The following MYO1H variants were observed in gnomAD, a reference collection of about 807,000 sequenced individuals.
The protein encoded by MYO1H is unconventional myosin-Ih.
MYO1H carries 118 observed loss-of-function variants against 149.3 expected under a neutral mutation model. The ratio of observed to expected loss-of-function variants is 0.79; its 90% CI spans 0.68 to 0.92. The LOEUF is 0.92. Among genes scored for constraint, MYO1H ranks in the 40% least tolerant of loss-of-function variants. The pLI, the probability that MYO1H is intolerant of heterozygous loss-of-function variation, is 0.00. For synonymous variants in MYO1H, 447 were observed against 465.2 expected, an observed-to-expected ratio of 0.96 and a Z score of 0.50; for missense variants, 1,212 against 1,280.7, an observed-to-expected ratio of 0.95 and a Z score of 0.82.
At position 109,362,402 on chromosome 12, in the gene MYO1H, AG is replaced by A. The variant is rs1236431412; in HGVS notation, c.12+14434del. 8.5e-5 allele frequency among the ~76,000 whole-genome samples: 13 copies of A among 152,332 alleles called. No individual in the cohort carries two copies. The South Asian group carries it at 1.2e-3, about 15-fold the overall frequency. On this transcript the variant is annotated intron_variant, in intron 1 of 31. Transcript: ENST00000310903. ...TGTCATCCACTATGTTTTGTTTTGT[AG>A]GGGAGAAAAGGTACTATCTTTTTTA...
At chr12:109,380,183 C>T (rs1869174437) in intron 1 of MYO1H, among the ~76,000 whole-genome samples, 1 of 152,134 alleles carries the variant, frequency 6.6e-6, no homozygotes, top group Non-Finnish European at 1.5e-5. Context: ...ATGACAGCCA[C>T]CGCACCCAGG....
At chr12:109,340,673 A>G in the MYO1H span, among the ~76,000 whole-genome samples, 1 of 152,152 alleles carries the variant, frequency 6.6e-6, no homozygotes, top group Non-Finnish European at 1.5e-5. Flanking sequence ...GTAGTAATGG[A>G]TTAGTCTTTT....
intron 31 of MYO1H, chr12:109,446,580 A>G (rs1391956745): frequency 2.7e-6 from 1 of 369,086 alleles, no homozygotes; most frequent in African/African-American, 2.2e-5. Context: ...TCTGGCCAAC[A>G]TGGTGAACTC....
At chr12:109,424,315 C>T (rs1427531750) in intron 16 of MYO1H, among the ~76,000 whole-genome samples, 1 of 152,080 alleles carries the variant, frequency 6.6e-6, no homozygotes, top group Admixed American at 6.6e-5. Flanking sequence ...TGCACACCAC[C>T]ACACCTGGCT....
At chr12:109,447,011 G>T (rs1234647537) in intron 31 of MYO1H, 148 bp from the exon 32 acceptor site, 5 of 764,382 alleles carry the variant, frequency 6.5e-6, no homozygotes, top group Non-Finnish European at 1.1e-5. Flanking sequence ...CAGTTTCTAA[G>T]TCTGGCTTGT....
chr12:109,442,792 GC>G (rs1839614445), intron 27 of MYO1H, among the ~76,000 whole-genome samples: 2 of 93,522 alleles, frequency 2.1e-5, no homozygotes, highest in Non-Finnish European at 4.1e-5. Flanking sequence ...GCCAGTGTCT[GC>G]TCTTTTTTTT....
At chr12:109,335,574 CAAACA>C in the MYO1H span, among the ~76,000 whole-genome samples, 14 of 128,780 alleles carry the variant, frequency 1.1e-4, no homozygotes, top group African/African-American at 3.2e-4. Flanking sequence ...AAAAAACAAA[CAAACA>C]AAAAAAAAAC....
intron 1 of MYO1H, among the ~76,000 whole-genome samples, chr12:109,382,836 A>G (rs1213840742): frequency 6.7e-6 from 1 of 149,372 alleles, no homozygotes; most frequent in African/African-American, 2.4e-5. Flanking sequence ...AAATATCTTT[A>G]TATATATATA....
chr12:109,446,987 A>C lies in MYO1H; in HGVS notation c.3094-172A>C, dbSNP rs538764912. The C allele has an allele frequency of 7.8e-5, 52 of 668,948 alleles. 2 individuals are homozygous for C. In the South Asian group the frequency reaches 7.9e-4, roughly 10 times the overall value. 41.4% of individuals were successfully genotyped at this position (668,948 alleles called of 1,614,324 possible). ...ACTGGTTCTGGCTGAAGAGGCTGAC[A>C]GGCCTCGATGAGCCAGTTTCTAAGT... On this transcript the variant is annotated intron_variant, in intron 31 of 31. Transcript: ENST00000310903.
chr12:109,381,152 G>C (rs1869197481), intron 1 of MYO1H, among the ~76,000 whole-genome samples: 1 of 152,130 alleles, frequency 6.6e-6, no homozygotes, highest in African/African-American at 2.4e-5. Flanking sequence ...GAGTTCATTG[G>C]AGAAAAGACA....
chr12:109,327,413 G>A, the MYO1H span, among the ~76,000 whole-genome samples: 8 of 151,728 alleles, frequency 5.3e-5, no homozygotes, highest in South Asian at 2.1e-4. Flanking sequence ...GATTACAGGC[G>A]TGAGCCACCG....
At chr12:109,427,909 A>AATATATATATATATATATATAT in intron 19 of MYO1H, among the ~76,000 whole-genome samples, 14 of 16,392 alleles carry the variant, frequency 8.5e-4, no homozygotes, top group East Asian at 4.2e-3. Flanking sequence ...AAAAAAAAAA[A>AATATATATATATATATATATAT]ATATATATAT....
intron 26 of MYO1H, 78 bp downstream of exon 26, chr12:109,441,786 C>A: frequency 1.0e-6 from 1 of 996,710 alleles, no homozygotes; most frequent in Non-Finnish European, 1.5e-6. Flanking sequence ...GTGGCTCATG[C>A]CCATAATCTC....
rs1033371089 is a variant in MYO1H, at chr12:109,359,911, A to G, written c.12+11939A>G. On this transcript the variant is annotated intron_variant, in intron 1 of 31. Transcript: ENST00000310903. ...TTGTGGAGTTTAAAGGAATGTTTGA[A>G]CTCGGGAGATTTTCTCACTTACTTT... 2.6e-5 allele frequency among the ~76,000 whole-genome samples: 4 copies of G among 152,066 alleles called. No homozygotes were observed. In the East Asian group the frequency reaches 7.7e-4, roughly 29 times the overall value.
rs539388712 is a variant in MYO1H, at chr12:109,445,413, T to C, written c.2994-100T>C. The C allele has an allele frequency of 4.7e-4, 422 of 888,626 alleles. 2 individuals are homozygous for C. Among genetic ancestry groups the C allele is most frequent in the Middle Eastern group, 4.2e-3 (16 of 3,766 alleles). 55.0% of individuals were successfully genotyped at this position (888,626 alleles called of 1,614,324 possible). ...CTGTAATAAAACAGGAATTTGATCT[T>C]GAAACTAGTAGAATTTAATAAGTGA... On this transcript the variant is annotated intron_variant, in intron 30 of 31. Coordinates refer to ENST00000310903, the Ensembl canonical transcript of MYO1H.
chr12:109,353,767 T>G (rs1868519498), intron 1 of MYO1H, among the ~76,000 whole-genome samples: 1 of 152,118 alleles, frequency 6.6e-6, no homozygotes, highest in African/African-American at 2.4e-5. Flanking sequence ...TTCTCCTGCC[T>G]CAGCCTCCTA....
At chr12:109,386,313 A>T (rs1027742257) in intron 1 of MYO1H, among the ~76,000 whole-genome samples, 1 of 152,204 alleles carries the variant, frequency 6.6e-6, no homozygotes, top group African/African-American at 2.4e-5. Context: ...GCATGAGTTG[A>T]ACTTCATGTT....
At chr12:109,421,606 G>A (rs1871176549) in intron 16 of MYO1H, among the ~76,000 whole-genome samples, 7 of 152,074 alleles carry the variant, frequency 4.6e-5, no homozygotes. Context: ...GCAGGGGCAG[G>A]TCCACAGGGG....
intron 17 of MYO1H, among the ~76,000 whole-genome samples, chr12:109,425,119 AAAAAC>A (rs1871309009): frequency 6.6e-6 from 1 of 152,128 alleles, no homozygotes. Flanking sequence ...AAATAAAAAT[AAAAAC>A]AAATCAGTCA....
Sources: allele counts gnomAD v4.1 joint callset (sites outside exome capture counted in the v4.1 genomes callset), GRCh38; gene constraint gnomAD v4.1.1; transcripts MANE v1.5; gene names NCBI Gene and HGNC (gene_info 2026-07-23, HGNC 2026-07-21).